Variants in TNRC6B observed in about 807,000 individuals in gnomAD.
The protein encoded by TNRC6B is trinucleotide repeat containing adaptor 6B, also known as trinucleotide repeat-containing gene 6B protein.
Under a neutral mutation model 203.6 loss-of-function variants are expected in TNRC6B, and 52 were observed. That is an observed-to-expected ratio of 0.26 (90% CI 0.20 to 0.32). The LOEUF (loss-of-function observed/expected upper bound fraction) is 0.32, where lower values mean the gene tolerates loss of function less well. TNRC6B is among the 10% of genes least tolerant of loss of function. The pLI is 1.00. For missense variants in TNRC6B, 1,923 were observed against 2,286.2 expected (o/e 0.84, Z 3.24); for synonymous variants, 838 against 845.7 (o/e 0.99, Z 0.16).
chr22:40,314,939 A>G (rs915706473), intron 19 of TNRC6B, among the ~76,000 whole-genome samples: 5 of 152,164 alleles, frequency 3.3e-5, no homozygotes, highest in African/African-American at 1.2e-4. Flanking sequence ...TCACATTCTC[A>G]CTGTTACCCA....
chr22:40,213,162 A>G (rs2069587941), intron 1 of TNRC6B, among the ~76,000 whole-genome samples: 1 of 152,190 alleles, frequency 6.6e-6, no homozygotes. Context: ...TGGAGTAATA[A>G]ACTTGTGGGA....
chr22:40,086,228 G>A (rs1372759312), intron 1 of TNRC6B, among the ~76,000 whole-genome samples: 1 of 152,108 alleles, frequency 6.6e-6, no homozygotes. Flanking sequence ...TTTAGGAAAG[G>A]CAGATTAAAT....
intron 1 of TNRC6B, among the ~76,000 whole-genome samples, chr22:40,114,674 T>C (rs1403226107): frequency 1.3e-5 from 2 of 152,148 alleles, no homozygotes; most frequent in Admixed American, 1.3e-4. Flanking sequence ...GACCTGGGGA[T>C]TGATTTAACC....
At chr22:40,176,890 C>T (rs1601860544), upstream of TNRC6B, among the ~76,000 whole-genome samples, 2 of 152,060 alleles carry the variant, frequency 1.3e-5, no homozygotes, top group South Asian at 4.2e-4. Context: ...TCAAAGAAGC[C>T]AAGTGCAGAG....
chr22:40,155,097 C>T (rs2068808021), intron 3 of TNRC6B, among the ~76,000 whole-genome samples: 1 of 151,272 alleles, frequency 6.6e-6, no homozygotes, highest in African/African-American at 2.4e-5. Context: ...TCTGAAAACA[C>T]CATAGCCTAT....
chr22:40,246,932 G>C (rs2070115474), intron 2 of TNRC6B, among the ~76,000 whole-genome samples: 1 of 152,050 alleles, frequency 6.6e-6, no homozygotes, highest in African/African-American at 2.4e-5. Flanking sequence ...GAGAAAACAA[G>C]AGATGCTAAA....
In TNRC6B at chr22:40,106,790, G is replaced by A. The variant is rs1569262411; in HGVS notation, c.-120-10265G>A. 3.5e-5 allele frequency: 35 copies of A among 990,460 alleles called. No homozygotes were observed. In the South Asian group the frequency reaches 4.3e-4, roughly 12 times the overall value. The allele number at this position is 990,460 out of a possible 1,614,324, so 61.4% of individuals were successfully genotyped here. On this transcript the variant is annotated intron_variant, in intron 1 of 23. Coordinates refer to the TNRC6B transcript ENST00000301923. ...CCCATTGATACCTCTGATCCTGATG[G>A]CAAATGCCAATTTGGGTTCTGCAGG... is the stretch of plus-strand genomic sequence containing the variant.
chr22:40,262,886 A>G (rs887650803), intron 4 of TNRC6B, among the ~76,000 whole-genome samples: 2 of 152,018 alleles, frequency 1.3e-5, no homozygotes, highest in Non-Finnish European at 2.9e-5. Flanking sequence ...AAAAATATAA[A>G]AAAATTAGCC....
At chr22:40,107,857 G>A (rs776737634) in intron 1 of TNRC6B, among the ~76,000 whole-genome samples, 2 of 151,074 alleles carry the variant, frequency 1.3e-5, no homozygotes, top group African/African-American at 2.4e-5. Context: ...TATGCAAACC[G>A]CATCCAGAAT....
rs2146582388 is a variant in TNRC6B at position 40,323,007 on chromosome 22, A to T, written c.5268A>T (p.Ser1756=). ...WQSLETGQNQ[S]DPVGPALNLF... ...CGCTGGAGACCGGCCAGAACCAGTC[A>T]GATCCCGTGGGACCTGCTCTGAATC... Residue 1756 remains serine, a synonymous_variant, in exon 23 of 23, where the codon TCA becomes TCT. Coordinates refer to ENST00000454349, the MANE Select transcript of TNRC6B (RefSeq NM_001162501.2). The T allele has an allele frequency of 6.2e-7, 1 of 1,607,188 alleles. No homozygotes were observed. Among genetic ancestry groups the T allele is most frequent in the East Asian group, 2.2e-5 (1 of 44,678 alleles).
Position 40,312,896 on chromosome 22 carries a change from C to T in TNRC6B, c.4583-6C>T. The stretch of plus-strand genomic sequence containing the variant: ...AGTATTTTCTTCTTGTTCTTTGTTA[C>T]CCAAGGGTCTAATTCTTCCCTCAAC... On this transcript the variant is annotated splice_region_variant and splice_polypyrimidine_tract_variant and intron_variant, in intron 18 of 22. Coordinates refer to ENST00000454349, the MANE Select transcript of TNRC6B (RefSeq NM_001162501.2). 4.3e-6 allele frequency: 7 copies of T among 1,612,442 alleles called. No homozygotes were observed. The highest frequency in any genetic ancestry group is 4.2e-6 in the Non-Finnish European group (5 of 1,179,006).
chr22:40,090,764 G>T (rs1001964143), intron 1 of TNRC6B, among the ~76,000 whole-genome samples: 1 of 152,044 alleles, frequency 6.6e-6, no homozygotes, highest in African/African-American at 2.4e-5. Flanking sequence ...GTGACCAGTA[G>T]CAATGTGTAA....
intron 1 of TNRC6B, among the ~76,000 whole-genome samples, chr22:40,115,524 T>C (rs2068379360): frequency 6.6e-6 from 1 of 152,166 alleles, no homozygotes; most frequent in Non-Finnish European, 1.5e-5. Flanking sequence ...GGGATCCCAT[T>C]GGGATTCAGT....
At chr22:40,259,214 A>G (rs1421948652) in intron 3 of TNRC6B, among the ~76,000 whole-genome samples, 2 of 152,058 alleles carry the variant, frequency 1.3e-5, no homozygotes, top group South Asian at 4.1e-4. Context: ...AATATTAGAT[A>G]ATGACTAATT....
In TNRC6B at chr22:40,128,296, A is replaced by G. The variant is rs530509909; in HGVS notation, c.45+2434A>G. ...TCTCCTCCTCCGAGGGTGTAAATCA[A>G]TCAATCAATAAAATCTTATATTTGG... On this transcript the variant is annotated intron_variant, in intron 3 of 23. Transcript: ENST00000301923. Among the ~76,000 whole-genome samples, 8 of 152,278 alleles carry G rather than the reference A, an allele frequency of 5.3e-5. No individual in the cohort carries two copies. The South Asian group carries it at 6.2e-4, about 12-fold the overall frequency.
chr22:40,116,042 A>G (rs751270577), intron 1 of TNRC6B, among the ~76,000 whole-genome samples: 4 of 152,194 alleles, frequency 2.6e-5, no homozygotes, highest in Non-Finnish European at 5.9e-5. Context: ...AATAGAGGGG[A>G]CGACAGATAG....
At chr22:40,089,523 G>A (rs1194270082) in intron 1 of TNRC6B, among the ~76,000 whole-genome samples, 1 of 152,122 alleles carries the variant, frequency 6.6e-6, no homozygotes, top group Non-Finnish European at 1.5e-5. Flanking sequence ...GTGAGCCACT[G>A]CGCCCAGCGT....
intron 12 of TNRC6B, among the ~76,000 whole-genome samples, chr22:40,299,158 C>CAAAAAAAAAAAAAAAAAAAAA (rs796432826): frequency 2.9e-5 from 3 of 103,064 alleles, no homozygotes; most frequent in Non-Finnish European, 4.1e-5. Context: ...AAAAAAAAAA[C>CAAAAAAAAAAAAAAAAAAAAA]AAAAAAAAAA....
rs2070545468 is a variant in TNRC6B, at chr22:40,270,407, C to T, written c.2965+127C>T. On this transcript the variant is annotated intron_variant, in intron 6 of 22. Transcript: ENST00000454349. ...CAATTTCGGCTCACTGCAACCTCTG[C>T]TTTCCAGCTTCAAGCGATTCTCCTG... The T allele has an allele frequency of 3.2e-6, 3 of 951,204 alleles. No homozygotes were observed. In the East Asian group the frequency reaches 1.0e-4, roughly 33 times the overall value. The allele number at this position is 951,204 out of a possible 1,614,324, so 58.9% of individuals were successfully genotyped here. A position where few individuals can be genotyped will look rare whatever the true frequency, so the allele number is the denominator to read the frequency against.
Sources: allele counts gnomAD v4.1 joint callset (sites outside exome capture counted in the v4.1 genomes callset), GRCh38; gene constraint gnomAD v4.1.1; transcripts MANE v1.5; gene names NCBI Gene and HGNC (gene_info 2026-07-23, HGNC 2026-07-21).